The following NAALADL2 variants were observed in gnomAD, a reference collection of about 807,000 sequenced individuals.
NAALADL2 encodes inactive N-acetylated-alpha-linked acidic dipeptidase-like protein 2.
In NAALADL2, 76 loss-of-function variants were observed where a neutral mutation model predicts 87.2. The observed-to-expected ratio is 0.87, with a 90% CI of 0.72 to 1.05. The LOEUF (loss-of-function observed/expected upper bound fraction) is 1.05. NAALADL2 is among the 50% of genes least tolerant of loss of function. The pLI is 0.00. For missense variants in NAALADL2, 1,089 were observed against 945.8 expected (o/e 1.15, Z -1.99); for synonymous variants, 354 against 331.0 (o/e 1.07, Z -0.75).
At chr3:175,096,011 C>G (rs1721092527) in intron 1 of NAALADL2, among the ~76,000 whole-genome samples, 1 of 152,076 alleles carries the variant, frequency 6.6e-6, no homozygotes, top group South Asian at 2.1e-4. Context: ...TCTGCCACTC[C>G]TGTAGCAAGG....
At chr3:175,662,974 G>A (rs894475668) in intron 11 of NAALADL2, among the ~76,000 whole-genome samples, 1 of 149,900 alleles carries the variant, frequency 6.7e-6, no homozygotes, top group African/African-American at 2.5e-5. Context: ...TGTTTGTTTT[G>A]GTTGTATCTT....
chr3:175,445,918 C>G (rs1179767264), intron 5 of NAALADL2, among the ~76,000 whole-genome samples: 1 of 152,136 alleles, frequency 6.6e-6, no homozygotes, highest in Non-Finnish European at 1.5e-5. Context: ...TGCTGACCGC[C>G]TGCCATCATC....
At chr3:174,817,939 C>G (rs1720979721) in intron 3 of NAALADL2, among the ~76,000 whole-genome samples, 1 of 152,074 alleles carries the variant, frequency 6.6e-6, no homozygotes, top group Admixed American at 6.6e-5. Context: ...TAAACACAGC[C>G]CATATATTTC....
chr3:174,649,252 C>A (rs911161318), intron 2 of NAALADL2, among the ~76,000 whole-genome samples: 3 of 152,116 alleles, frequency 2.0e-5, no homozygotes, highest in Admixed American at 1.3e-4. Context: ...CATGAGCCAC[C>A]AAGCCCAGCT....
At chr3:175,406,486 C>A (rs1199194159) in intron 5 of NAALADL2, among the ~76,000 whole-genome samples, 2 of 152,140 alleles carry the variant, frequency 1.3e-5, no homozygotes, top group Non-Finnish European at 2.9e-5. Context: ...GCTTAAATAA[C>A]TTTAGTCTTG....
intron 2 of NAALADL2, among the ~76,000 whole-genome samples, chr3:175,127,465 T>C (rs1036232202): frequency 6.6e-5 from 10 of 152,126 alleles, no homozygotes; most frequent in African/African-American, 1.9e-4. Flanking sequence ...TTTACCTAGT[T>C]CATAGGAGGG....
intron 1 of NAALADL2, among the ~76,000 whole-genome samples, chr3:174,499,469 T>G (rs569670319): frequency 1.5e-4 from 23 of 152,214 alleles, no homozygotes; most frequent in Middle Eastern, 3.4e-3. Context: ...GAGTGTTCCT[T>G]TATGGTATTA....
At chr3:174,503,219 C>T (rs1033003451) in intron 1 of NAALADL2, among the ~76,000 whole-genome samples, 5 of 152,106 alleles carry the variant, frequency 3.3e-5, no homozygotes, top group African/African-American at 1.2e-4. Flanking sequence ...CAGTATCTGG[C>T]ACCTCCCAGG....
At chr3:174,984,252 A>G (rs1222220923) in intron 1 of NAALADL2, among the ~76,000 whole-genome samples, 1 of 152,254 alleles carries the variant, frequency 6.6e-6, no homozygotes, top group Non-Finnish European at 1.5e-5. Context: ...TTTAGATTTA[A>G]TCATGGCAAT....
At chr3:175,593,507 G>A (rs2149611854) in intron 10 of NAALADL2, among the ~76,000 whole-genome samples, 1 of 152,244 alleles carries the variant, frequency 6.6e-6, no homozygotes, top group South Asian at 2.1e-4. Flanking sequence ...CACAAACTGA[G>A]TGACTTAAAC....
chr3:174,996,460 G>T (rs1747476019), intron 1 of NAALADL2, among the ~76,000 whole-genome samples: 1 of 150,782 alleles, frequency 6.6e-6, no homozygotes, highest in Admixed American at 6.6e-5. Context: ...TCATGCAACT[G>T]CACTCCAGCC....
At chr3:175,228,030 C>T (rs1373390415) in intron 2 of NAALADL2, among the ~76,000 whole-genome samples, 1 of 151,740 alleles carries the variant, frequency 6.6e-6, no homozygotes, top group Non-Finnish European at 1.5e-5. Context: ...TTCTAGAGAC[C>T]AGTATTTCTA....
intron 1 of NAALADL2, among the ~76,000 whole-genome samples, chr3:174,479,753 T>C (rs1577994348): frequency 1.4e-5 from 2 of 138,902 alleles, no homozygotes; most frequent in Non-Finnish European, 3.2e-5. Context: ...GCCTACTATG[T>C]GTTTACCTTT....
chr3:175,003,655 G>C (rs546520908), intron 1 of NAALADL2, among the ~76,000 whole-genome samples: 1 of 152,274 alleles, frequency 6.6e-6, no homozygotes, highest in South Asian at 2.1e-4. Flanking sequence ...TATACCTTCA[G>C]AGTCCTTCAG....
chr3:175,249,628 A>C (rs1404469039), intron 3 of NAALADL2, among the ~76,000 whole-genome samples: 1 of 152,064 alleles, frequency 6.6e-6, no homozygotes, highest in East Asian at 1.9e-4. Context: ...GTTGGAAGTT[A>C]TTTTTTATTA....
chr3:174,588,086 C>A lies in NAALADL2; in HGVS notation c.-115+37449C>A, dbSNP rs527416158. The stretch of plus-strand genomic sequence containing the variant: ...TGTTTGTTTCTTTTTACTCTTTTTT[C>A]TGTAAACTTCTCTTCTCACTTCATT... On this transcript the variant is annotated intron_variant, in intron 2 of 3. Coordinates refer to the NAALADL2 transcript ENST00000434257. Among the ~76,000 whole-genome samples the A allele has an allele frequency of 1.3e-3, 199 of 151,978 alleles. 1 individual carries two copies. The highest frequency in any genetic ancestry group is 2.7e-3 in the Admixed American group (41 of 15,268).
chr3:174,461,084 A>T (rs1286635016), intron 1 of NAALADL2, among the ~76,000 whole-genome samples: 2 of 152,094 alleles, frequency 1.3e-5, no homozygotes, highest in Non-Finnish European at 1.5e-5. Context: ...GTCCTTATGC[A>T]GCTTGAGGGC....
intron 1 of NAALADL2, among the ~76,000 whole-genome samples, chr3:175,019,340 GTAAA>G (rs1751269131): frequency 6.6e-6 from 1 of 152,008 alleles, no homozygotes; most frequent in Admixed American, 6.6e-5. Context: ...TAATATTTAA[GTAAA>G]TAACTCTGTG....
intron 1 of NAALADL2, among the ~76,000 whole-genome samples, chr3:174,983,231 A>T (rs994497811): frequency 5.9e-5 from 9 of 152,094 alleles, no homozygotes; most frequent in Non-Finnish European, 1.2e-4. Context: ...TCTGTATTAT[A>T]TTTTCTGAGA....
Sources: gnomAD v4.1 joint callset for allele counts (sites outside exome capture counted in the v4.1 genomes callset) on GRCh38, gnomAD v4.1.1 for gene constraint, MANE v1.5 for transcripts, NCBI Gene and HGNC (gene_info 2026-07-23, HGNC 2026-07-21) for gene names.